KCNAB1: variants seen among roughly 807,000 people sequenced by gnomAD.
KCNAB1 encodes the protein potassium voltage-gated channel subfamily A regulatory beta subunit 1, also known as voltage-gated potassium channel subunit beta-1.
KCNAB1 carries 35 observed loss-of-function variants against 64.6 expected under a neutral mutation model. That is an observed-to-expected ratio of 0.54 (90% CI 0.41 to 0.72). The LOEUF is 0.72. Among genes scored for constraint, KCNAB1 ranks in the 30% least tolerant of loss-of-function variants. The probability of loss-of-function intolerance (pLI) is 0.00; values close to 1 mark genes in which losing one functional copy is unlikely to be tolerated. For missense variants in KCNAB1, 401 were observed against 512.9 expected (o/e 0.78, Z 2.11); for synonymous variants, 177 against 183.8 (o/e 0.96, Z 0.30).
chr3:156,238,387 A>G (rs948952548), intron 1 of KCNAB1, among the ~76,000 whole-genome samples: 4 of 142,830 alleles, frequency 2.8e-5, no homozygotes, highest in Non-Finnish European at 6.0e-5. Flanking sequence ...ACGCCACTGC[A>G]CTCTGGCCTG....
At chr3:156,317,492 A>T (rs896812805) in intron 1 of KCNAB1, among the ~76,000 whole-genome samples, 2 of 151,988 alleles carry the variant, frequency 1.3e-5, no homozygotes, top group African/African-American at 4.8e-5. Flanking sequence ...GTGGGTGTAG[A>T]TGTGTGTGTA....
intron 2 of KCNAB1, among the ~76,000 whole-genome samples, chr3:156,435,266 G>C (rs1295472888): frequency 2.0e-5 from 3 of 152,188 alleles, no homozygotes; most frequent in African/African-American, 7.2e-5. Flanking sequence ...GAAGCAGGAG[G>C]CACTATTACC....
intron 2 of KCNAB1, among the ~76,000 whole-genome samples, chr3:156,423,546 GAA>G (rs1576846336): frequency 6.6e-6 from 1 of 152,232 alleles, no homozygotes; most frequent in Non-Finnish European, 1.5e-5. Flanking sequence ...ATGCGGGACA[GAA>G]GAGTGAATTG....
intron 1 of KCNAB1, among the ~76,000 whole-genome samples, chr3:156,124,925 G>T (rs561747160): frequency 5.3e-5 from 8 of 152,208 alleles, no homozygotes; most frequent in African/African-American, 1.9e-4. Flanking sequence ...AGATCACAAG[G>T]TCAGGAGTTC....
At chr3:156,183,344 G>A (rs193262759) in intron 1 of KCNAB1, among the ~76,000 whole-genome samples, 70 of 152,302 alleles carry the variant, frequency 4.6e-4, no homozygotes, top group African/African-American at 1.6e-3. Context: ...TGGAAACAAA[G>A]TCATTGAGGC....
chr3:156,466,722 G>A (rs964713760), intron 7 of KCNAB1, among the ~76,000 whole-genome samples: 2 of 151,824 alleles, frequency 1.3e-5, no homozygotes, highest in Non-Finnish European at 2.9e-5. Context: ...CTTTTGCAAG[G>A]CACCCAAAAC....
At chr3:156,214,791 A>C (rs932931190) in intron 1 of KCNAB1, among the ~76,000 whole-genome samples, 1 of 152,212 alleles carries the variant, frequency 6.6e-6, no homozygotes, top group Non-Finnish European at 1.5e-5. Context: ...TGATCTAGTC[A>C]TGTCTTCCCA....
intron 1 of KCNAB1, chr3:156,175,780 C>T (rs1230175462): frequency 3.5e-6 from 2 of 578,438 alleles, no homozygotes; most frequent in Non-Finnish European, 6.5e-6. Context: ...AGGGAGGGTG[C>T]TAGCCTGGGC....
intron 1 of KCNAB1, among the ~76,000 whole-genome samples, chr3:156,302,192 G>A (rs915145918): frequency 2.0e-5 from 3 of 151,660 alleles, no homozygotes; most frequent in Non-Finnish European, 4.4e-5. Context: ...TTCTCACTTC[G>A]ATTCTCCTGC....
intron 1 of KCNAB1, among the ~76,000 whole-genome samples, chr3:156,340,855 T>G (rs527641834): frequency 2.0e-5 from 3 of 152,332 alleles, no homozygotes; most frequent in South Asian, 2.1e-4. Flanking sequence ...TAGAGTTATA[T>G]CCTCCCAAAA....
At chr3:156,378,558 A>G (rs1330955156) in intron 1 of KCNAB1, among the ~76,000 whole-genome samples, 4 of 152,144 alleles carry the variant, frequency 2.6e-5, no homozygotes, top group Admixed American at 1.3e-4. Flanking sequence ...TCTATGTTCA[A>G]GAAATCCCTC....
chr3:156,186,161 G>C (rs4679765), intron 1 of KCNAB1, among the ~76,000 whole-genome samples: 109,788 of 152,116 alleles, frequency 0.72, 39,888 homozygotes, highest in East Asian at 0.9. Context: ...TTTCTTGAAG[G>C]CTTCAGTTCT....
intron 1 of KCNAB1, among the ~76,000 whole-genome samples, chr3:156,417,356 C>A (rs909184395): frequency 2.6e-5 from 4 of 152,154 alleles, no homozygotes; most frequent in African/African-American, 9.7e-5. Flanking sequence ...AAAACCAGGT[C>A]AAACCCAGCT....
intron 8 of KCNAB1, among the ~76,000 whole-genome samples, chr3:156,499,743 A>G (rs949401955): frequency 6.6e-6 from 1 of 152,080 alleles, no homozygotes; most frequent in South Asian, 2.1e-4. Context: ...TAATAATACC[A>G]CCTCATACGG....
intron 1 of KCNAB1, among the ~76,000 whole-genome samples, chr3:156,203,877 C>A (rs1277269998): frequency 6.6e-6 from 1 of 152,092 alleles, no homozygotes; most frequent in Non-Finnish European, 1.5e-5. Context: ...GTTTTGTATT[C>A]TTTCTTGCTT....
intron 8 of KCNAB1, among the ~76,000 whole-genome samples, chr3:156,500,975 A>G (rs1240078299): frequency 1.3e-5 from 2 of 152,234 alleles, no homozygotes; most frequent in Non-Finnish European, 1.5e-5. Flanking sequence ...GTTGAGTCTC[A>G]TACAGGGATA....
intron 1 of KCNAB1, among the ~76,000 whole-genome samples, chr3:156,389,222 C>G (rs1436364419): frequency 1.3e-5 from 2 of 152,196 alleles, no homozygotes; most frequent in African/African-American, 4.8e-5. Flanking sequence ...GAAACAAATG[C>G]AGCCAGCCCA....
chr3:156,269,657 T>C (rs1179954594), intron 1 of KCNAB1, among the ~76,000 whole-genome samples: 1 of 152,202 alleles, frequency 6.6e-6, no homozygotes, highest in East Asian at 1.9e-4. Flanking sequence ...GGTGCTCCAG[T>C]GTTGGTTGCA....
intron 1 of KCNAB1, among the ~76,000 whole-genome samples, chr3:156,212,348 G>A (rs1158466430): frequency 6.6e-6 from 1 of 152,118 alleles, no homozygotes; most frequent in Non-Finnish European, 1.5e-5. Flanking sequence ...GTTAGTGATG[G>A]TTTCAGATAC....
Sources: allele counts gnomAD v4.1 joint callset (sites outside exome capture counted in the v4.1 genomes callset), GRCh38; gene constraint gnomAD v4.1.1; transcripts MANE v1.5; gene names NCBI Gene and HGNC (gene_info 2026-07-23, HGNC 2026-07-21).